TEAD1: variants seen among roughly 807,000 people sequenced by gnomAD.
The protein encoded by TEAD1 is transcriptional enhancer factor TEF-1.
In TEAD1, 9 loss-of-function variants were observed where a neutral mutation model predicts 54.9. The observed-to-expected ratio is 0.16, with a 90% CI of 0.10 to 0.29. The LOEUF (loss-of-function observed/expected upper bound fraction) is 0.29. TEAD1 is among the 10% of genes least tolerant of loss of function. The pLI is 1.00. For missense variants in TEAD1, 387 were observed against 535.9 expected, an observed-to-expected ratio of 0.72 and a Z score of 2.74; for synonymous variants, 200 against 187.8, an observed-to-expected ratio of 1.07 and a Z score of -0.53.
intron 2 of TEAD1, among the ~76,000 whole-genome samples, chr11:12,684,420 T>A (rs1834200744): frequency 6.6e-6 from 1 of 152,228 alleles, no homozygotes. Context: ...CTTTTGTAAG[T>A]GGTTGAATGG....
chr11:12,813,252 G>T (rs530003978), intron 3 of TEAD1, among the ~76,000 whole-genome samples: 4 of 152,302 alleles, frequency 2.6e-5, no homozygotes, highest in African/African-American at 9.6e-5. Context: ...GAGGTGGAAG[G>T]ATGCCAGGGA....
intron 11 of TEAD1, among the ~76,000 whole-genome samples, chr11:12,928,958 C>G (rs1337216150): frequency 1.3e-5 from 2 of 150,468 alleles, no homozygotes; most frequent in Non-Finnish European, 2.9e-5. Flanking sequence ...CAGTAGATCT[C>G]TTGAGCTTAC....
At chr11:12,765,662 G>A (rs929765860) in intron 3 of TEAD1, among the ~76,000 whole-genome samples, 2 of 152,084 alleles carry the variant, frequency 1.3e-5, no homozygotes, top group Non-Finnish European at 2.9e-5. Flanking sequence ...CTTGGATGAT[G>A]TAATGGAAAC....
intron 3 of TEAD1, among the ~76,000 whole-genome samples, chr11:12,834,418 T>TTTA (rs1398649853): frequency 6.6e-6 from 1 of 152,282 alleles, no homozygotes; most frequent in East Asian, 1.9e-4. Flanking sequence ...AGTGCTACCA[T>TTTA]TTATTAGATT....
Position 12,892,457 on chromosome 11 carries a change from A to T in TEAD1, c.699+9332A>T, listed in dbSNP as rs575949682. Among the ~76,000 whole-genome samples, 7 of 152,310 alleles carry T rather than the reference A, an allele frequency of 4.6e-5. No individual in the cohort carries two copies. The East Asian group carries it at 1.4e-3, about 29-fold the overall frequency. ...TCAGGCATTCAAGACCAGCCTGGCC[A>T]ACATGGTGAATCCCCCGCTTCTACA... On this transcript the variant is annotated intron_variant, in intron 9 of 12. Coordinates refer to ENST00000527636, the MANE Select transcript of TEAD1 (RefSeq NM_021961.6).
At chr11:12,739,188 G>T (rs144225476) in intron 2 of TEAD1, among the ~76,000 whole-genome samples, 9 of 150,472 alleles carry the variant, frequency 6.0e-5, no homozygotes, top group South Asian at 2.1e-4. Flanking sequence ...TTGCTTTGAG[G>T]TCTCATTCTT....
intron 2 of TEAD1, among the ~76,000 whole-genome samples, chr11:12,742,674 T>C (rs1454425173): frequency 3.9e-5 from 6 of 152,194 alleles, no homozygotes; most frequent in Non-Finnish European, 8.8e-5. Context: ...TATGGAAATA[T>C]CACATTGTAC....
chr11:12,715,555 T>A (rs1037511045), intron 2 of TEAD1, among the ~76,000 whole-genome samples: 8 of 152,032 alleles, frequency 5.3e-5, no homozygotes, highest in African/African-American at 1.9e-4. Context: ...AGGCTGGCTG[T>A]CTCTCTGGGG....
intron 3 of TEAD1, among the ~76,000 whole-genome samples, chr11:12,793,644 CA>C (rs1309689207): frequency 6.6e-6 from 1 of 152,128 alleles, no homozygotes; most frequent in Non-Finnish European, 1.5e-5. Context: ...TCCATTCATT[CA>C]AAAAACCCAC....
At chr11:12,861,245 G>T (rs1338765003) in intron 3 of TEAD1, among the ~76,000 whole-genome samples, 5 of 152,186 alleles carry the variant, frequency 3.3e-5, no homozygotes, top group African/African-American at 1.2e-4. Context: ...AGCTTCTGGG[G>T]ATATTTTTTC....
At chr11:12,929,924 T>C (rs889284419) in intron 11 of TEAD1, among the ~76,000 whole-genome samples, 2 of 152,240 alleles carry the variant, frequency 1.3e-5, no homozygotes, top group Non-Finnish European at 2.9e-5. Context: ...TAAAAGGATC[T>C]GTCAACGCTT....
chr11:12,913,408 A>G (rs1157715340), intron 10 of TEAD1, among the ~76,000 whole-genome samples: 2 of 152,238 alleles, frequency 1.3e-5, no homozygotes, highest in African/African-American at 4.8e-5. Flanking sequence ...TTTGGAATGT[A>G]TCCTTTTAGA....
At chr11:12,868,820 T>C (rs2134077765) in intron 5 of TEAD1, among the ~76,000 whole-genome samples, 1 of 151,788 alleles carries the variant, frequency 6.6e-6, no homozygotes, top group Non-Finnish European at 1.5e-5. Flanking sequence ...GAATCCAGAG[T>C]TTCTGTTCTT....
At chr11:12,729,154 A>G (rs1213465537) in intron 2 of TEAD1, among the ~76,000 whole-genome samples, 1 of 152,250 alleles carries the variant, frequency 6.6e-6, no homozygotes, top group Non-Finnish European at 1.5e-5. Flanking sequence ...CTTCATATAT[A>G]GTTATTGAAT....
chr11:12,807,984 G>C (rs1289292300), intron 3 of TEAD1, among the ~76,000 whole-genome samples: 1 of 152,142 alleles, frequency 6.6e-6, no homozygotes, highest in African/African-American at 2.4e-5. Flanking sequence ...TGGTTTTGAA[G>C]GATATGGTTT....
intron 3 of TEAD1, among the ~76,000 whole-genome samples, chr11:12,804,954 G>T (rs1310264440): frequency 6.6e-6 from 1 of 152,204 alleles, no homozygotes; most frequent in Non-Finnish European, 1.5e-5. Flanking sequence ...ACTCTGCAGA[G>T]ACATGGGTGA....
intron 9 of TEAD1, among the ~76,000 whole-genome samples, chr11:12,893,739 C>G (rs1208401815): frequency 6.6e-6 from 1 of 152,160 alleles, no homozygotes; most frequent in Non-Finnish European, 1.5e-5. Flanking sequence ...AGGAGGCATT[C>G]ACTTGCTCCT....
Position 12,942,937 on chromosome 11 carries a change from G to A in TEAD1, c.*5715G>A, listed in dbSNP as rs986236491. 1 of 152,132 alleles carries A rather than the reference G, an allele frequency of 6.6e-6. No individual in the cohort carries two copies. The highest frequency in any genetic ancestry group is 2.4e-5 in the African/African-American group (1 of 41,434). 9.4% of individuals were successfully genotyped at this position (152,132 alleles called of 1,614,324 possible). A position where few individuals can be genotyped will look rare whatever the true frequency, so the allele number is the denominator to read the frequency against. On this transcript the variant is annotated 3_prime_UTR_variant, in exon 13 of 13. Transcript: ENST00000527636. ...TGTAGAAATTGGGAAAGCTGATAGAGGTAAGGAAGACGAGTGAAAAGGACA... is the reference window on the plus strand; with the variant it reads ...TGTAGAAATTGGGAAAGCTGATAGAAGTAAGGAAGACGAGTGAAAAGGACA...
intron 2 of TEAD1, among the ~76,000 whole-genome samples, chr11:12,763,297 T>A (rs978898017): frequency 6.6e-6 from 1 of 152,236 alleles, no homozygotes; most frequent in African/African-American, 2.4e-5. Flanking sequence ...CCCACAGTTT[T>A]CATGTGATCA....
Sources: gnomAD v4.1 joint callset for allele counts (sites outside exome capture counted in the v4.1 genomes callset) on GRCh38, gnomAD v4.1.1 for gene constraint, MANE v1.5 for transcripts, NCBI Gene and HGNC (gene_info 2026-07-23, HGNC 2026-07-21) for gene names.